MEIKIN: variants seen among roughly 807,000 people sequenced by gnomAD.
MEIKIN encodes meiotic kinetochore factor, also known as meiosis-specific kinetochore protein.
intron 7 of MEIKIN, 101 bp downstream of exon 7, chr5:131,916,785 A>G (rs1288220926): frequency 2.6e-6 from 1 of 388,274 alleles, no homozygotes; most frequent in East Asian, 3.7e-5. Flanking sequence ...ACAAATAATA[A>G]ATGAACACCT....
chr5:131,842,873 C>T (rs1749940046), intron 11 of MEIKIN, among the ~76,000 whole-genome samples: 1 of 152,170 alleles, frequency 6.6e-6, no homozygotes, highest in Non-Finnish European at 1.5e-5. Context: ...CCACATTTTC[C>T]CTCCACACTG....
chr5:131,929,655 A>G (rs1235308302), intron 5 of MEIKIN, among the ~76,000 whole-genome samples: 1 of 152,114 alleles, frequency 6.6e-6, no homozygotes, highest in Non-Finnish European at 1.5e-5. Flanking sequence ...ATAGTATCCA[A>G]TGGGTAGCTT....
intron 8 of MEIKIN, among the ~76,000 whole-genome samples, chr5:131,888,697 AG>A (rs1343196972): frequency 5.9e-5 from 9 of 152,122 alleles, no homozygotes; most frequent in Admixed American, 4.6e-4. Flanking sequence ...TTTGCTGTGC[AG>A]AAGCTCTTTA....
chr5:131,872,958 T>A (rs1282368350), intron 9 of MEIKIN, among the ~76,000 whole-genome samples: 2 of 152,210 alleles, frequency 1.3e-5, no homozygotes, highest in Non-Finnish European at 2.9e-5. Flanking sequence ...TGAGAGATGT[T>A]GTCACCACCA....
At chr5:131,848,073 ACAAG>A (rs1187392097) in intron 11 of MEIKIN, among the ~76,000 whole-genome samples, 1 of 152,170 alleles carries the variant, frequency 6.6e-6, no homozygotes, top group Non-Finnish European at 1.5e-5. Flanking sequence ...AAATTGAAAA[ACAAG>A]AAATGTCTCA....
At chr5:131,837,411 G>C (rs577566852) in intron 11 of MEIKIN, among the ~76,000 whole-genome samples, 1 of 152,230 alleles carries the variant, frequency 6.6e-6, no homozygotes, top group Non-Finnish European at 1.5e-5. Context: ...TTGGCACTTT[G>C]ACAGGAATAG....
chr5:131,909,881 C>A (rs549821150), intron 8 of MEIKIN, among the ~76,000 whole-genome samples: 1 of 152,118 alleles, frequency 6.6e-6, no homozygotes, highest in South Asian at 2.1e-4. Context: ...TATCATCTTA[C>A]CCCAGTTAAA....
At chr5:131,920,596 AT>A (rs1456609700) in intron 6 of MEIKIN, among the ~76,000 whole-genome samples, 1 of 152,238 alleles carries the variant, frequency 6.6e-6, no homozygotes, top group Non-Finnish European at 1.5e-5. Context: ...TATTCTTCAA[AT>A]AAAAATGGGG....
chr5:131,833,333 C>T (rs187371883), intron 11 of MEIKIN, among the ~76,000 whole-genome samples: 1 of 152,252 alleles, frequency 6.6e-6, no homozygotes, highest in East Asian at 1.9e-4. Flanking sequence ...CCAACAAGTT[C>T]CTCATCTCCA....
chr5:131,840,959 CT>C (rs1280449013), intron 11 of MEIKIN, among the ~76,000 whole-genome samples: 2 of 152,124 alleles, frequency 1.3e-5, no homozygotes, highest in African/African-American at 4.8e-5. Flanking sequence ...TGCGCTGGTT[CT>C]TTCTCATCTT....
At chr5:131,907,484 C>T (rs1216676570) in intron 8 of MEIKIN, among the ~76,000 whole-genome samples, 1 of 151,192 alleles carries the variant, frequency 6.6e-6, no homozygotes, top group Non-Finnish European at 1.5e-5. Flanking sequence ...GACATTACAA[C>T]TGATACTGCA....
intron 9 of MEIKIN, among the ~76,000 whole-genome samples, chr5:131,871,391 C>T (rs913070316): frequency 1.2e-4 from 18 of 152,166 alleles, no homozygotes; most frequent in Middle Eastern, 3.2e-3. Flanking sequence ...CCCAGAGTCT[C>T]GCTCATTGCT....
In MEIKIN at chr5:131,945,395, T is replaced by G. The variant is rs1299890215; in HGVS notation, c.106+5A>C. 1 of 399,128 alleles carries G rather than the reference T, an allele frequency of 2.5e-6. No homozygotes were observed. The highest frequency in any genetic ancestry group is 4.4e-6 in the Non-Finnish European group (1 of 226,166). The allele number at this position is 399,128 out of a possible 1,614,324, so 24.7% of individuals were successfully genotyped here. ...GCTTACGGTGGGCGAGCCTTGAGCC[T>G]GTACCTGGCGGGGCCTCGGCCTTCG... On this transcript the variant is annotated splice_donor_5th_base_variant and intron_variant, in intron 1 of 12. Transcript: ENST00000442687.
chr5:131,885,852 C>T (rs1444189230), intron 8 of MEIKIN, among the ~76,000 whole-genome samples: 1 of 152,158 alleles, frequency 6.6e-6, no homozygotes, highest in African/African-American at 2.4e-5. Flanking sequence ...AACGGAGATA[C>T]ATGAGCTTTT....
At chr5:131,878,833 G>C in intron 9 of MEIKIN, 145 bp downstream of exon 9, 1 of 373,330 alleles carries the variant, frequency 2.7e-6, no homozygotes, top group Non-Finnish European at 4.7e-6. Context: ...TATGATCACA[G>C]CACTGAACTC....
chr5:131,943,947 C>T (rs917705279), intron 3 of MEIKIN, among the ~76,000 whole-genome samples: 1 of 151,728 alleles, frequency 6.6e-6, no homozygotes, highest in African/African-American at 2.4e-5. Flanking sequence ...GAGAAACCCC[C>T]TCTATACAAA....
chr5:131,895,115 C>T lies in MEIKIN; in HGVS notation c.704-16067G>A, dbSNP rs371972475. Among the ~76,000 whole-genome samples, 40 of 152,240 alleles carry T rather than the reference C, an allele frequency of 2.6e-4. 1 individual carries two copies. The highest frequency in any genetic ancestry group is 2.5e-3 in the Admixed American group (38 of 15,290). On this transcript the variant is annotated intron_variant, in intron 8 of 12. Transcript: ENST00000442687. Reference sequence around the variant, plus strand: ...AGCATGAAGGGCTGTTGAATTTTGTCGAAGGCCTCTTCTGCATCTGTTGAG... The same window carrying T: ...AGCATGAAGGGCTGTTGAATTTTGTTGAAGGCCTCTTCTGCATCTGTTGAG...
chr5:131,917,019 TTA>T, intron 6 of MEIKIN, 94 bp from the exon 7 acceptor site: 1 of 385,264 alleles, frequency 2.6e-6, no homozygotes, highest in Non-Finnish European at 4.6e-6. Flanking sequence ...CAGTTCATTT[TTA>T]TAACTTTTTA....
intron 8 of MEIKIN, among the ~76,000 whole-genome samples, chr5:131,906,275 A>G (rs1401024064): frequency 2.6e-5 from 4 of 152,242 alleles, no homozygotes; most frequent in Admixed American, 6.5e-5. Context: ...AATGCTCAAC[A>G]TCACTAATCA....
Sources: allele counts gnomAD v4.1 joint callset (sites outside exome capture counted in the v4.1 genomes callset), GRCh38; gene constraint gnomAD v4.1.1; transcripts MANE v1.5; gene names NCBI Gene and HGNC (gene_info 2026-07-23, HGNC 2026-07-21).